SEPTIN9: variants seen among roughly 807,000 people sequenced by gnomAD.
The protein encoded by SEPTIN9 is septin 9.
A neutral mutation model predicts 56.6 loss-of-function variants in SEPTIN9; 13 were observed. That is an observed-to-expected ratio of 0.23 (90% CI 0.15 to 0.37). The LOEUF is 0.37. Among genes scored for constraint, SEPTIN9 ranks in the 10% least tolerant of loss-of-function variants. The pLI is 1.00. For synonymous variants in SEPTIN9, 332 were observed against 334.1 expected, an observed-to-expected ratio of 0.99 and a Z score of 0.07; for missense variants, 650 against 823.1, an observed-to-expected ratio of 0.79 and a Z score of 2.57.
chr17:77,348,875 G>T lies in SEPTIN9; in HGVS notation c.76+41678G>T, dbSNP rs79322100. ...TTTAAACAGCCCCATGCATTTTAAA[G>T]AAATTAAAAGTAAAACAGAATCTTT... On this transcript the variant is annotated intron_variant, in intron 2 of 11. Coordinates refer to ENST00000427177, the MANE Select transcript of SEPTIN9 (RefSeq NM_001113491.2). Among the ~76,000 whole-genome samples the T allele has an allele frequency of 5.1e-3, 769 of 152,198 alleles. 12 individuals carry two copies. The highest frequency in any genetic ancestry group is 0.018 in the African/African-American group (735 of 41,548).
At chr17:77,486,521 T>TGTGTGTGTGTGC (rs757455924) in intron 4 of SEPTIN9, among the ~76,000 whole-genome samples, 12 of 120,132 alleles carry the variant, frequency 1.0e-4, no homozygotes, top group Admixed American at 3.1e-4. Context: ...TGTGTGTGTG[T>TGTGTGTGTGTGC]GCGCGCACGC....
intron 3 of SEPTIN9, among the ~76,000 whole-genome samples, chr17:77,409,070 G>A (rs312854): frequency 1.9e-3 from 290 of 152,218 alleles, no homozygotes; most frequent in African/African-American, 6.7e-3. Flanking sequence ...AGGCACTGAC[G>A]TTCCTGCCGG....
At chr17:77,334,700 TA>T (rs1414192750) in intron 2 of SEPTIN9, among the ~76,000 whole-genome samples, 12 of 152,270 alleles carry the variant, frequency 7.9e-5, no homozygotes, top group African/African-American at 2.9e-4. Flanking sequence ...AGAAATTTTA[TA>T]GTTGTATATT....
intron 3 of SEPTIN9, among the ~76,000 whole-genome samples, chr17:77,480,606 G>A (rs1009626055): frequency 2.1e-4 from 32 of 152,216 alleles, no homozygotes; most frequent in African/African-American, 7.5e-4. Flanking sequence ...CTGCTCACTT[G>A]CCTGTCACGG....
chr17:77,351,712 C>T (rs866029154), intron 2 of SEPTIN9, among the ~76,000 whole-genome samples: 14 of 152,216 alleles, frequency 9.2e-5, no homozygotes, highest in African/African-American at 3.1e-4. Flanking sequence ...GCCCTTCAGG[C>T]GGGCCCTGTG....
In SEPTIN9 at chr17:77,327,383, C is replaced by T. The variant is rs1321245321; in HGVS notation, c.76+20186C>T. On this transcript the variant is annotated intron_variant, in intron 2 of 11. Transcript: ENST00000427177. This position sits in a 1 kb window ranked among gnomAD's most constrained non-coding sequence, Gnocchi z 5.0. ...TGAAGCCGCTCGCTGTGTGCCCCCG[C>T]CTGGCCCCATGCATCCCGCACGGTG... 6.6e-6 allele frequency among the ~76,000 whole-genome samples: 1 copy of T among 152,212 alleles called. No homozygotes were observed. The highest frequency in any genetic ancestry group is 2.4e-5 in the African/African-American group (1 of 41,446).
rs186717993 is a variant in SEPTIN9, at chr17:77,292,639, G to A, written c.19+11085G>A. ...CTCCCAAGTAGCTGGGACTACAGGC[G>A]CCCGCCACCATGCCTGGCCAATTTT... On this transcript the variant is annotated intron_variant, in intron 1 of 11. Transcript: ENST00000427177. Among the ~76,000 whole-genome samples the A allele has an allele frequency of 5.1e-3, 770 of 152,062 alleles. 9 individuals carry two copies. Among genetic ancestry groups the A allele is most frequent in the African/African-American group, 0.017 (721 of 41,476 alleles).
Position 77,402,828 on chromosome 17 carries a change from A to C in SEPTIN9, c.721+125A>C. 1 of 982,952 alleles carries C rather than the reference A, an allele frequency of 1.0e-6. No individual in the cohort carries two copies. The highest frequency in any genetic ancestry group is 1.5e-6 in the Non-Finnish European group (1 of 686,102). The allele number at this position is 982,952 out of a possible 1,614,324, so 60.9% of individuals were successfully genotyped here. On this transcript the variant is annotated intron_variant, in intron 3 of 11. Coordinates refer to ENST00000427177, the MANE Select transcript of SEPTIN9 (RefSeq NM_001113491.2). This position sits in a 1 kb window ranked among gnomAD's most constrained non-coding sequence, Gnocchi z 6.6. ...GAGGGTGCTACCCTGGAGACCCAGA[A>C]AGACCGGAATGCATGGGGGTGGGGG...
chr17:77,463,791 C>T (rs747378128), intron 3 of SEPTIN9, among the ~76,000 whole-genome samples: 5 of 151,858 alleles, frequency 3.3e-5, no homozygotes, highest in Admixed American at 1.3e-4. Context: ...TGCAGTGAGC[C>T]GAGATCGCGC....
At chr17:77,384,152 G>A (rs2035247273) in intron 2 of SEPTIN9, among the ~76,000 whole-genome samples, 1 of 151,888 alleles carries the variant, frequency 6.6e-6, no homozygotes, top group South Asian at 2.1e-4. Context: ...CGGGAGGCTG[G>A]CTGGGGGCTG....
At position 77,496,930 on chromosome 17, in the gene SEPTIN9, C is replaced by T. The variant is rs116251817; in HGVS notation, c.1574-385C>T. ...CCAGCCCCCTGCCTGTCTTCAGGCC[C>T]CTGCTGGGACGTCCTGCTCTCCCTG... On this transcript the variant is annotated intron_variant, in intron 10 of 11. Transcript: ENST00000427177. The T allele has an allele frequency of 5.4e-3, 1,568 of 288,166 alleles. 26 individuals carry two copies. Among genetic ancestry groups the T allele is most frequent in the African/African-American group, 0.032 (1,489 of 46,490 alleles). 17.9% of individuals were successfully genotyped at this position (288,166 alleles called of 1,614,324 possible). A position where few individuals can be genotyped will look rare whatever the true frequency, so the allele number is the denominator to read the frequency against.
At chr17:77,334,193 C>T (rs1397594524) in intron 2 of SEPTIN9, among the ~76,000 whole-genome samples, 1 of 152,002 alleles carries the variant, frequency 6.6e-6, no homozygotes, top group Non-Finnish European at 1.5e-5. Flanking sequence ...GAGGCCGAGG[C>T]GGGCAGATCA....
At chr17:77,289,828 A>G (rs1191504675) in intron 1 of SEPTIN9, among the ~76,000 whole-genome samples, 1 of 152,226 alleles carries the variant, frequency 6.6e-6, no homozygotes, top group African/African-American at 2.4e-5. Context: ...GCCAAACAAC[A>G]TGAACAGGAA....
At position 77,487,420 on chromosome 17, in the gene SEPTIN9, C is replaced by T. The variant is rs199809734; in HGVS notation, c.914-4C>T. The T allele has an allele frequency of 1.1e-3, 1,817 of 1,598,226 alleles. No individual in the cohort carries two copies. Among genetic ancestry groups the T allele is most frequent in the Non-Finnish European group, 1.4e-3 (1,631 of 1,173,154 alleles). On this transcript the variant is annotated splice_polypyrimidine_tract_variant and splice_region_variant and intron_variant, in intron 4 of 11. Coordinates refer to ENST00000427177, the MANE Select transcript of SEPTIN9 (RefSeq NM_001113491.2). This position sits in a 1 kb window ranked among gnomAD's most constrained non-coding sequence, Gnocchi z 4.3. ...CCCTGACCGGCCTCCCATCCTCTCC[C>T]CAGGGCAGAGCGGCTTGGGTAAATC...
chr17:77,495,268 G>T (rs898044270), intron 10 of SEPTIN9, among the ~76,000 whole-genome samples: 23 of 152,216 alleles, frequency 1.5e-4, no homozygotes, highest in Admixed American at 8.5e-4. Context: ...TGTCAGGACA[G>T]TTGTGAGGTG....
chr17:77,477,194 G>A (rs145540855), intron 3 of SEPTIN9, among the ~76,000 whole-genome samples: 47 of 148,758 alleles, frequency 3.2e-4, no homozygotes, highest in African/African-American at 1.1e-3. Flanking sequence ...ACCATCCGCC[G>A]ATTCAGAAAG....
chr17:77,487,805 C>T lies in SEPTIN9; in HGVS notation c.1042+253C>T, dbSNP rs894734071. ...GGTTGGGGGTCAAGACCATCACACA[C>T]GGTCAGTGGCTGGGGATGGGCTGGG... On this transcript the variant is annotated intron_variant, in intron 5 of 11. Coordinates refer to ENST00000427177, the MANE Select transcript of SEPTIN9 (RefSeq NM_001113491.2). This position sits in a 1 kb window ranked among gnomAD's most constrained non-coding sequence, Gnocchi z 4.3. 3.3e-5 allele frequency among the ~76,000 whole-genome samples: 5 copies of T among 151,734 alleles called. No homozygotes were observed. The highest frequency in any genetic ancestry group is 4.9e-5 in the African/African-American group (2 of 41,202).
At chr17:77,372,308 T>C (rs1391091957) in intron 2 of SEPTIN9, among the ~76,000 whole-genome samples, 1 of 152,072 alleles carries the variant, frequency 6.6e-6, no homozygotes, top group African/African-American at 2.4e-5. Flanking sequence ...GGGCCCTTCT[T>C]GAGGATGAGA....
At chr17:77,406,910 C>G (rs2036101973) in intron 3 of SEPTIN9, among the ~76,000 whole-genome samples, 1 of 151,974 alleles carries the variant, frequency 6.6e-6, no homozygotes, top group Admixed American at 6.6e-5. Context: ...ACCTCGTGAC[C>G]CACCCACCTC....
Sources: allele counts gnomAD v4.1 joint callset (sites outside exome capture counted in the v4.1 genomes callset), GRCh38; gene constraint gnomAD v4.1.1; non-coding constraint Gnocchi (gnomAD v3.1); transcripts MANE v1.5; gene names NCBI Gene and HGNC (gene_info 2026-07-23, HGNC 2026-07-21).